The following GPC3 variants were observed in gnomAD, a reference collection of about 807,000 sequenced individuals.
GPC3 encodes the protein glypican-3.
In GPC3, 3 loss-of-function variants were observed where a neutral mutation model predicts 34.4. That is an observed-to-expected ratio of 0.09 (90% CI 0.04 to 0.23). The LOEUF is 0.23. GPC3 is among the 10% of genes least tolerant of loss of function. The pLI is 1.00. For synonymous variants in GPC3, 177 were observed against 174.0 expected (o/e 1.02, Z -0.13); for missense variants, 351 against 445.6 (o/e 0.79, Z 1.91).
Position 133,566,313 on chromosome X carries a change from A to G in GPC3, c.1574-30020T>C, listed in dbSNP as rs185482879. On this transcript the variant is annotated intron_variant, in intron 7 of 7. Transcript: ENST00000370818. ...AGAACAGGAGCCAGGGGAGGGAGTG[A>G]TGGATTCAGACATGCAGCTCAGGAA... Among the ~76,000 whole-genome samples, 113 of 111,753 alleles carry G rather than the reference A, an allele frequency of 1.0e-3. 3 individuals are homozygous for G. The East Asian group carries it at 0.024, about 23-fold the overall frequency.
chrX:133,663,492 T>G (rs1035080002), intron 5 of GPC3, among the ~76,000 whole-genome samples: 2 of 110,745 alleles, frequency 1.8e-5, no homozygotes, highest in African/African-American at 6.6e-5. Flanking sequence ...GCTCAAGTGA[T>G]CCTCCTGCCT....
intron 2 of GPC3, among the ~76,000 whole-genome samples, chrX:133,892,478 C>T (rs2076092343): frequency 1.8e-5 from 2 of 111,539 alleles, no homozygotes; most frequent in South Asian, 7.6e-4. Context: ...TTCCTGAGAC[C>T]TTTAACCTTG....
chrX:133,808,059 A>C (rs2075645560), intron 2 of GPC3, among the ~76,000 whole-genome samples: 1 of 112,434 alleles, frequency 8.9e-6, no homozygotes. Context: ...ATCAGAATAA[A>C]CATAAGACAA....
intron 5 of GPC3, among the ~76,000 whole-genome samples, chrX:133,686,124 A>G (rs2071000119): frequency 8.9e-6 from 1 of 111,946 alleles, no homozygotes; most frequent in Non-Finnish European, 1.9e-5. Flanking sequence ...ATAAACCCCT[A>G]TGGGAGGTGT....
intron 6 of GPC3, among the ~76,000 whole-genome samples, chrX:133,628,041 T>C (rs2070325284): frequency 3.6e-5 from 4 of 112,267 alleles, no homozygotes; most frequent in African/African-American, 1.3e-4. Context: ...AGTATGACTT[T>C]TTGTGTCGAT....
At chrX:133,747,913 C>T (rs2071626565) in intron 3 of GPC3, among the ~76,000 whole-genome samples, 1 of 111,837 alleles carries the variant, frequency 8.9e-6, no homozygotes, top group African/African-American at 3.3e-5. Flanking sequence ...TAGAACAAGC[C>T]AAGGTAATGA....
chrX:133,536,583 C>T (rs1024861633), intron 7 of GPC3, among the ~76,000 whole-genome samples: 1 of 110,579 alleles, frequency 9.0e-6, no homozygotes, highest in Non-Finnish European at 1.9e-5. Flanking sequence ...TTGGCTGCAT[C>T]CACATTGTAG....
intron 2 of GPC3, among the ~76,000 whole-genome samples, chrX:133,807,661 T>G (rs1335219298): frequency 2.7e-5 from 3 of 112,443 alleles, no homozygotes; most frequent in African/African-American, 9.7e-5. Context: ...TAAGTATCAC[T>G]GTATACACAC....
At chrX:133,620,682 T>A (rs1446589461) in intron 6 of GPC3, among the ~76,000 whole-genome samples, 2 of 111,294 alleles carry the variant, frequency 1.8e-5, no homozygotes, top group Non-Finnish European at 3.8e-5. Context: ...GACTCTATAA[T>A]CTGACAGGAA....
chrX:133,710,086 CTGTAA>C lies in GPC3; in HGVS notation c.1033-10063_1033-10059del, dbSNP rs1274782936. The stretch of plus-strand genomic sequence containing the variant: ...ATTAAGATAAAAGCTCACTAATAAT[CTGTAA>C]TGTATTATAAATCAAGCAATTTTAA... On this transcript the variant is annotated intron_variant, in intron 3 of 7. Transcript: ENST00000370818. Among the ~76,000 whole-genome samples, 6 of 111,914 alleles carry C rather than the reference CTGTAA, an allele frequency of 5.4e-5. No homozygotes were observed. In the Admixed American group the frequency reaches 5.7e-4, roughly 11 times the overall value.
intron 2 of GPC3, among the ~76,000 whole-genome samples, chrX:133,798,611 A>G (rs1323478909): frequency 1.8e-5 from 2 of 112,504 alleles, no homozygotes; most frequent in African/African-American, 6.5e-5. Context: ...ATATGTGAGA[A>G]GCAGCTTTGT....
intron 7 of GPC3, among the ~76,000 whole-genome samples, chrX:133,561,410 C>A (rs370507259): frequency 1.5e-4 from 17 of 112,220 alleles, no homozygotes; most frequent in African/African-American, 5.5e-4. Context: ...ACTTTGTCCA[C>A]TAAAATAATG....
intron 5 of GPC3, among the ~76,000 whole-genome samples, chrX:133,674,769 CT>C (rs2070866411): frequency 1.8e-5 from 2 of 111,769 alleles, no homozygotes; most frequent in Non-Finnish European, 1.9e-5. Flanking sequence ...TCTGCTTCCA[CT>C]TTGGATACTG....
intron 7 of GPC3, among the ~76,000 whole-genome samples, chrX:133,541,177 C>T (rs2069338943): frequency 9.2e-6 from 1 of 109,161 alleles, no homozygotes; most frequent in Non-Finnish European, 1.9e-5. Context: ...ACTTGTCAGA[C>T]ATCTTGTGTT....
chrX:133,626,252 T>C (rs1411584799), intron 6 of GPC3, among the ~76,000 whole-genome samples: 2 of 111,794 alleles, frequency 1.8e-5, no homozygotes, highest in African/African-American at 6.5e-5. Flanking sequence ...GACATAGGCA[T>C]GGGCAAGGAC....
intron 3 of GPC3, among the ~76,000 whole-genome samples, chrX:133,715,568 C>T (rs746853526): frequency 9.0e-6 from 1 of 111,293 alleles, no homozygotes; most frequent in South Asian, 3.8e-4. Context: ...CCTAAAATAC[C>T]CCATTTGCAA....
At chrX:133,574,079 G>GT (rs1475124923) in intron 7 of GPC3, among the ~76,000 whole-genome samples, 1 of 112,166 alleles carries the variant, frequency 8.9e-6, no homozygotes, top group Non-Finnish European at 1.9e-5. Context: ...ACTACATATA[G>GT]TATGATTCCA....
intron 2 of GPC3, among the ~76,000 whole-genome samples, chrX:133,951,582 C>T (rs2076393371): frequency 8.9e-6 from 1 of 111,783 alleles, no homozygotes; most frequent in Middle Eastern, 4.2e-3. Flanking sequence ...ACCCCACTTT[C>T]ATCCAACAGA....
At chrX:133,829,700 A>G (rs1219873435) in intron 2 of GPC3, among the ~76,000 whole-genome samples, 1 of 112,206 alleles carries the variant, frequency 8.9e-6, no homozygotes, top group African/African-American at 3.2e-5. Flanking sequence ...TAAAAGCAAA[A>G]AGAAAAAAAT....
Sources: gnomAD v4.1 joint callset for allele counts (sites outside exome capture counted in the v4.1 genomes callset) on GRCh38, gnomAD v4.1.1 for gene constraint, MANE v1.5 for transcripts, NCBI Gene and HGNC (gene_info 2026-07-23, HGNC 2026-07-21) for gene names.